ENY2: variants seen among roughly 807,000 people sequenced by gnomAD.
ENY2 encodes ENY2 transcription and export complex 2 subunit.
Under a neutral mutation model 15.9 loss-of-function variants are expected in ENY2, and 4 were observed. The ratio of observed to expected loss-of-function variants is 0.25; its 90% CI spans 0.12 to 0.57. The LOEUF (loss-of-function observed/expected upper bound fraction) is 0.57. Among genes scored for constraint, ENY2 ranks in the 20% least tolerant of loss-of-function variants. ENY2 has a pLI of 0.91. For synonymous variants in ENY2, 48 were observed against 38.0 expected (o/e 1.26, Z -0.97); for missense variants, 54 against 117.2 (o/e 0.46, Z 2.49).
At position 109,344,978 on chromosome 8, in the gene ENY2, C is replaced by CCCTTCTTGATCTGACATCGTGT; in HGVS notation, c.*1498_*1519dup. 6.6e-6 allele frequency: 1 copy of CCCTTCTTGATCTGACATCGTGT among 152,318 alleles called. No homozygotes were observed. Among genetic ancestry groups the CCCTTCTTGATCTGACATCGTGT allele is most frequent in the Non-Finnish European group, 1.5e-5 (1 of 68,034 alleles). 9.4% of individuals were successfully genotyped at this position (152,318 alleles called of 1,614,324 possible). ...AACTCATTCAGCATTAACACATAGG[C>CCCTTCTTGATCTGACATCGTGT]CCTTCTTGATCTGACATCGTGTTTC... On this transcript the variant is annotated 3_prime_UTR_variant, in exon 5 of 5. Transcript: ENST00000521688.
chr8:109,336,208 A>G lies in ENY2; in HGVS notation c.83+4A>G. On this transcript the variant is annotated splice_donor_region_variant and intron_variant, in intron 2 of 4. Coordinates refer to ENST00000521688, the MANE Select transcript of ENY2 (RefSeq NM_020189.6). ...TAGAAACTGGAGAAAGAGAACGGTA[A>G]GTAATAGATTGTGTTAATAAATTAC... 6.2e-7 allele frequency: 1 copy of G among 1,609,804 alleles called. No homozygotes were observed. The highest frequency in any genetic ancestry group is 1.1e-5 in the South Asian group (1 of 90,644).
chr8:109,334,656 C>A, intron 1 of ENY2, 182 bp downstream of exon 1: 2 of 635,618 alleles, frequency 3.1e-6, no homozygotes, highest in Non-Finnish European at 5.2e-6. Context: ...CCTCCTCTCC[C>A]GCCTCTCCCG....
At chr8:109,335,273 TAGC>T (rs1473461545) in intron 1 of ENY2, 3 of 152,212 alleles carry the variant, frequency 2.0e-5, no homozygotes, top group Admixed American at 6.5e-5. Flanking sequence ...CACTTAGGTT[TAGC>T]AGTTGTAATT....
At chr8:109,340,459 G>T (rs1440950301) in intron 3 of ENY2, 30 bp from the exon 4 acceptor site, 9 of 1,609,048 alleles carry the variant, frequency 5.6e-6, no homozygotes, top group Non-Finnish European at 7.7e-6. Context: ...GATTTTAAAT[G>T]ATATGATTTG....
intron 1 of ENY2, 200 bp downstream of exon 1, chr8:109,334,674 C>T (rs1815915909): frequency 3.4e-6 from 2 of 596,738 alleles, no homozygotes; most frequent in Admixed American, 3.5e-5. Context: ...CCGCTGTCTC[C>T]GCCCTGTTCT....
At chr8:109,336,449 A>C in intron 2 of ENY2, 1 of 406,642 alleles carries the variant, frequency 2.5e-6, no homozygotes. Flanking sequence ...GGAGAAGAAA[A>C]AGTACATACC....
At chr8:109,342,206 T>TTAA (rs1437634223) in intron 4 of ENY2, among the ~76,000 whole-genome samples, 3 of 149,290 alleles carry the variant, frequency 2.0e-5, no homozygotes, top group African/African-American at 7.4e-5. Flanking sequence ...TCTGAATAGA[T>TTAA]AATAGTCAAA....
chr8:109,343,272 C>CT (rs34301269), intron 4 of ENY2, 133 bp from the exon 5 acceptor site: 25 of 619,838 alleles, frequency 4.0e-5, no homozygotes, highest in Non-Finnish European at 6.0e-5. Context: ...ATAACTTTAC[C>CT]TTTTTTTTAA....
chr8:109,336,098 C>A, intron 1 of ENY2, 30 bp from the exon 2 acceptor site: 7 of 1,607,148 alleles, frequency 4.4e-6, no homozygotes, highest in Non-Finnish European at 6.0e-6. Context: ...TGTAAATGTT[C>A]TATATCTGAA....
At chr8:109,342,163 C>G (rs921668818) in intron 4 of ENY2, among the ~76,000 whole-genome samples, 41 of 149,028 alleles carry the variant, frequency 2.8e-4, no homozygotes, top group Non-Finnish European at 1.8e-4. Flanking sequence ...TTAACCCCCC[C>G]CTTTTTTTTT....
chr8:109,340,647 G>C (rs1816091952), intron 4 of ENY2, 84 bp downstream of exon 4: 1 of 1,555,896 alleles, frequency 6.4e-7, no homozygotes, highest in Non-Finnish European at 8.7e-7. Flanking sequence ...TTTTCTTTCT[G>C]TTTTTAAGGA....
At chr8:109,338,350 C>T (rs1457250132) in intron 2 of ENY2, 2 of 152,086 alleles carry the variant, frequency 1.3e-5, no homozygotes, top group African/African-American at 2.4e-5. Flanking sequence ...AACAAGGCAG[C>T]TGAGTGGAAG....
intron 2 of ENY2, chr8:109,336,445 G>C: frequency 2.4e-6 from 1 of 411,456 alleles, no homozygotes. Flanking sequence ...TGATGGAGAA[G>C]AAAAAGTACA....
chr8:109,339,990 G>A (rs1816080652), intron 3 of ENY2, among the ~76,000 whole-genome samples: 1 of 152,136 alleles, frequency 6.6e-6, no homozygotes, highest in African/African-American at 2.4e-5. Flanking sequence ...TGACAAATTA[G>A]TAAAAGCATA....
chr8:109,334,368 A>T lies in ENY2; in HGVS notation c.-101A>T. ...TTCTGTGTGCTTAGGTGCCCGAGCT[A>T]CTGAGGGTCTAAGTCCGGGCAGCCG... On this transcript the variant is annotated 5_prime_UTR_variant, in exon 1 of 5. Transcript: ENST00000521688. 2 of 1,548,312 alleles carry T rather than the reference A, an allele frequency of 1.3e-6. No homozygotes were observed. Among genetic ancestry groups the T allele is most frequent in the Non-Finnish European group, 1.8e-6 (2 of 1,127,024 alleles).
At chr8:109,339,608 C>T (rs764401674) in intron 3 of ENY2, 3 of 442,024 alleles carry the variant, frequency 6.8e-6, no homozygotes, top group African/African-American at 2.0e-5. Flanking sequence ...TTAAGATTTT[C>T]TCTGGCATCA....
At chr8:109,342,696 G>GT (rs750713434) in intron 4 of ENY2, 3 of 697,752 alleles carry the variant, frequency 4.3e-6, no homozygotes, top group Non-Finnish European at 7.8e-6. Context: ...GTAGAGACAG[G>GT]TTTCGCCATG....
In ENY2 at chr8:109,336,183, T is replaced by C; in HGVS notation, c.62T>C (p.Ile21Thr). ...QMRAAINQKL[I>T]ETGERERLKE... is the part of the protein sequence containing the mutation. The stretch of plus-strand genomic sequence containing the variant: ...AGAGCAGCGATTAACCAAAAGTTGA[T>C]AGAAACTGGAGAAAGAGAACGGTAA... The change falls in exon 2 of 5, where the codon ATA becomes ACA. Residue 21 changes from isoleucine (I) to threonine (T), a missense_variant. Coordinates refer to ENST00000521688, the MANE Select transcript of ENY2 (RefSeq NM_020189.6). 1.9e-6 allele frequency: 3 copies of C among 1,613,302 alleles called. No individual in the cohort carries two copies. The highest frequency in any genetic ancestry group is 2.5e-6 in the Non-Finnish European group (3 of 1,179,418).
chr8:109,340,702 A>G (rs1816092756), intron 4 of ENY2, 139 bp downstream of exon 4: 4 of 1,015,308 alleles, frequency 3.9e-6, no homozygotes, highest in African/African-American at 3.3e-5. Flanking sequence ...AAAATTGCCT[A>G]CCTGCCTCCT....
Sources: gnomAD v4.1 joint callset for allele counts (sites outside exome capture counted in the v4.1 genomes callset) on GRCh38, gnomAD v4.1.1 for gene constraint, MANE v1.5 for transcripts, NCBI Gene and HGNC (gene_info 2026-07-23, HGNC 2026-07-21) for gene names.